The following KATNIP variants were observed in gnomAD, a reference collection of about 807,000 sequenced individuals.
KATNIP encodes the protein katanin interacting protein, also known as katanin-interacting protein.
In KATNIP, 126 loss-of-function variants were observed where a neutral mutation model predicts 174.0. The ratio of observed to expected loss-of-function variants is 0.72; its 90% CI spans 0.63 to 0.84. The LOEUF is 0.84. Among genes scored for constraint, KATNIP ranks in the 40% least tolerant of loss-of-function variants. The probability of loss-of-function intolerance (pLI) is 0.00; values close to 1 mark genes in which losing one functional copy is unlikely to be tolerated. For synonymous variants in KATNIP, 810 were observed against 835.7 expected (o/e 0.97, Z 0.53); for missense variants, 1,958 against 2,109.7 (o/e 0.93, Z 1.41).
intron 8 of KATNIP, among the ~76,000 whole-genome samples, chr16:27,692,750 C>A (rs148987028): frequency 6.6e-6 from 1 of 152,200 alleles, no homozygotes; most frequent in Admixed American, 6.5e-5. Context: ...ATGTACCTGA[C>A]CCATGTCTGT....
At chr16:27,770,039 A>G (rs1191757137) in intron 21 of KATNIP, 21 bp downstream of exon 21, 2 of 1,607,502 alleles carry the variant, frequency 1.2e-6, no homozygotes, top group Admixed American at 1.7e-5. Context: ...AGTGGGCGCC[A>G]CACACAGCCC....
intron 2 of KATNIP, among the ~76,000 whole-genome samples, chr16:27,578,588 T>G (rs1044493888): frequency 2.0e-5 from 3 of 151,964 alleles, no homozygotes; most frequent in Non-Finnish European, 4.4e-5. Context: ...GGTCATTTCT[T>G]TTTTTTTGAG....
chr16:27,710,541 C>G (rs1036208156), intron 13 of KATNIP, among the ~76,000 whole-genome samples: 1 of 152,092 alleles, frequency 6.6e-6, no homozygotes, highest in African/African-American at 2.4e-5. Context: ...TCCTCGGAGA[C>G]CTGGGAAGAT....
At chr16:27,674,718 T>A (rs1011626126) in intron 6 of KATNIP, among the ~76,000 whole-genome samples, 5 of 152,152 alleles carry the variant, frequency 3.3e-5, no homozygotes, top group African/African-American at 1.2e-4. Context: ...TCTCCTCAGC[T>A]CCCAGGGGCT....
At chr16:27,681,883 G>A (rs1048112408) in intron 8 of KATNIP, among the ~76,000 whole-genome samples, 1 of 152,160 alleles carries the variant, frequency 6.6e-6, no homozygotes, top group African/African-American at 2.4e-5. Context: ...CTGATTGGCC[G>A]AGGCCCACTC....
intron 6 of KATNIP, among the ~76,000 whole-genome samples, chr16:27,668,130 T>A (rs1040109211): frequency 6.6e-6 from 1 of 152,198 alleles, no homozygotes; most frequent in Non-Finnish European, 1.5e-5. Flanking sequence ...TGCCCCTGAC[T>A]TTCATCCCTC....
At chr16:27,594,593 A>C (rs1008381567) in intron 2 of KATNIP, among the ~76,000 whole-genome samples, 3 of 151,918 alleles carry the variant, frequency 2.0e-5, no homozygotes, top group African/African-American at 7.3e-5. Flanking sequence ...GAGACACTGG[A>C]GTTCAATAAA....
At chr16:27,703,831 T>C (rs1405035225) in intron 11 of KATNIP, 65 bp from the exon 12 acceptor site, 5 of 1,235,166 alleles carry the variant, frequency 4.0e-6, no homozygotes, top group Non-Finnish European at 4.8e-6. Context: ...GCACTTTTGA[T>C]TGGAATGTTC....
intron 13 of KATNIP, among the ~76,000 whole-genome samples, chr16:27,713,558 TAGTG>T (rs2079682738): frequency 6.6e-6 from 1 of 151,168 alleles, no homozygotes; most frequent in Non-Finnish European, 1.5e-5. Flanking sequence ...CTGGGCAACA[TAGTG>T]AGACCCTGTC....
chr16:27,600,618 A>G (rs2075487922), intron 2 of KATNIP, among the ~76,000 whole-genome samples: 1 of 151,434 alleles, frequency 6.6e-6, no homozygotes, highest in Non-Finnish European at 1.5e-5. Flanking sequence ...TCTCCTGGTG[A>G]GCTCTTTTAC....
rs562185173 is a variant in KATNIP, at chr16:27,582,140, G to A, written c.63+8184G>A. 3.7e-4 allele frequency among the ~76,000 whole-genome samples: 57 copies of A among 152,288 alleles called. 1 individual carries two copies. In the South Asian group the frequency reaches 4.4e-3, roughly 12 times the overall value. On this transcript the variant is annotated intron_variant, in intron 2 of 27. Transcript: ENST00000261588. ...GAAAAGACAGGTGACTTTTCTGTGA[G>A]TTTCAGACTCCACTAGCGCGCAAAC... is the stretch of plus-strand genomic sequence containing the variant.
At chr16:27,570,625 G>C (rs565945587) in intron 1 of KATNIP, among the ~76,000 whole-genome samples, 1 of 152,218 alleles carries the variant, frequency 6.6e-6, no homozygotes, top group Middle Eastern at 3.4e-3. Flanking sequence ...AGGCATGCAA[G>C]AATTGGGCTG....
intron 2 of KATNIP, among the ~76,000 whole-genome samples, chr16:27,611,196 A>C (rs2075878388): frequency 6.6e-6 from 1 of 152,200 alleles, no homozygotes; most frequent in Non-Finnish European, 1.5e-5. Context: ...TATACAGGCA[A>C]GTTGGTATCT....
chr16:27,771,526 A>T (rs1214677307), intron 21 of KATNIP, 62 bp from the exon 22 acceptor site: 1 of 1,521,908 alleles, frequency 6.6e-7, no homozygotes, highest in Non-Finnish European at 9.1e-7. Context: ...CCTAGGGGGT[A>T]ACTGGCTGGT....
chr16:27,677,905 G>A lies in KATNIP; in HGVS notation c.717G>A (p.Gln239=). The part of the protein sequence containing the change: ...DRPPSSGDWT[Q]KDVHGEQETE... ...CTCCTTCCAGTGGCGACTGGACTCA[G>A]AAAGATGTTCACGGGGAACAGGAGA... is the stretch of plus-strand genomic sequence containing the variant. Residue 239 remains glutamine, a synonymous_variant, in exon 7 of 28, where the codon CAG becomes CAA. Transcript: ENST00000261588. 6.2e-7 allele frequency: 1 copy of A among 1,614,178 alleles called. No homozygotes were observed. Among genetic ancestry groups the A allele is most frequent in the African/African-American group, 1.3e-5 (1 of 75,026 alleles).
Position 27,751,931 on chromosome 16 carries a change from C to T in KATNIP, c.3552+7C>T, listed in dbSNP as rs758497117. The T allele has an allele frequency of 5.0e-6, 8 of 1,600,424 alleles. No homozygotes were observed. In the East Asian group the frequency reaches 1.8e-4, roughly 36 times the overall value. On this transcript the variant is annotated splice_region_variant and intron_variant, in intron 17 of 27. Transcript: ENST00000261588. Reference sequence around the variant, plus strand: ...CTTGGGGGCTGATGAACGGGTAGGACTGGAGCTGGGGGGCTGTGGGGGGAC... The same window carrying T: ...CTTGGGGGCTGATGAACGGGTAGGATTGGAGCTGGGGGGCTGTGGGGGGAC...
intron 12 of KATNIP, among the ~76,000 whole-genome samples, chr16:27,705,980 G>C (rs1466366106): frequency 6.6e-6 from 1 of 152,138 alleles, no homozygotes; most frequent in African/African-American, 2.4e-5. Flanking sequence ...ACCTGACCAA[G>C]TCTCCTTATA....
At chr16:27,699,190 T>G (rs1175799284) in intron 9 of KATNIP, among the ~76,000 whole-genome samples, 1 of 152,172 alleles carries the variant, frequency 6.6e-6, no homozygotes, top group East Asian at 1.9e-4. Context: ...TTGCCTCACT[T>G]CACAGATATG....
intron 6 of KATNIP, among the ~76,000 whole-genome samples, chr16:27,663,771 T>C (rs2077599393): frequency 6.6e-6 from 1 of 152,094 alleles, no homozygotes; most frequent in Admixed American, 6.6e-5. Context: ...TTATTTCTAA[T>C]TGGCTTATTA....
Sources: gnomAD v4.1 joint callset for allele counts (sites outside exome capture counted in the v4.1 genomes callset) on GRCh38, gnomAD v4.1.1 for gene constraint, MANE v1.5 for transcripts, NCBI Gene and HGNC (gene_info 2026-07-23, HGNC 2026-07-21) for gene names.